Variants in PTPN2 observed in about 807,000 individuals in gnomAD.
PTPN2 encodes the protein tyrosine-protein phosphatase non-receptor type 2.
A neutral mutation model predicts 57.3 loss-of-function variants in PTPN2; 19 were observed. That is an observed-to-expected ratio of 0.33 (90% CI 0.23 to 0.49). The LOEUF (loss-of-function observed/expected upper bound fraction) is 0.49. Among genes scored for constraint, PTPN2 ranks in the 20% least tolerant of loss-of-function variants. PTPN2 has a pLI of 0.99. For missense variants in PTPN2, 358 were observed against 501.1 expected, an observed-to-expected ratio of 0.71 and a Z score of 2.73; for synonymous variants, 153 against 164.9, an observed-to-expected ratio of 0.93 and a Z score of 0.55.
chr18:12,822,340 G>A (rs536495078), intron 5 of PTPN2, among the ~76,000 whole-genome samples: 32 of 152,138 alleles, frequency 2.1e-4, no homozygotes, highest in Non-Finnish European at 3.5e-4. Context: ...AACGTAAAGC[G>A]GGCCAACATT....
At chr18:12,873,478 C>G (rs1233908389) in intron 1 of PTPN2, among the ~76,000 whole-genome samples, 1 of 152,144 alleles carries the variant, frequency 6.6e-6, no homozygotes, top group Non-Finnish European at 1.5e-5. Flanking sequence ...TTGGGGGAGA[C>G]GGGGTTTCGC....
intron 1 of PTPN2, among the ~76,000 whole-genome samples, chr18:12,876,331 G>A (rs2044491900): frequency 1.5e-5 from 1 of 67,624 alleles, no homozygotes; most frequent in African/African-American, 6.4e-5. Flanking sequence ...GTCAGGCGTG[G>A]TGGTGTGTGC....
rs566928780 is a variant in PTPN2 at position 12,819,303 on chromosome 18, C to A, written c.496-1938G>T. On this transcript the variant is annotated intron_variant, in intron 5 of 8. Coordinates refer to ENST00000309660, the MANE Select transcript of PTPN2 (RefSeq NM_002828.4). Reference sequence around the variant, plus strand: ...ATATACTAAAAGCAATAAAAAATTTCTCCATTACAAATTAAAATGATCATG... The same window carrying A: ...ATATACTAAAAGCAATAAAAAATTTATCCATTACAAATTAAAATGATCATG... 5.2e-4 allele frequency: 619 copies of A among 1,184,906 alleles called. 11 individuals carry two copies. The South Asian group carries it at 8.7e-3, about 17-fold the overall frequency. The allele number at this position is 1,184,906 out of a possible 1,614,324, so 73.4% of individuals were successfully genotyped here.
At chr18:12,795,340 C>T (rs948119764) in intron 8 of PTPN2, among the ~76,000 whole-genome samples, 7 of 152,168 alleles carry the variant, frequency 4.6e-5, no homozygotes, top group African/African-American at 9.7e-5. Flanking sequence ...GTTGCCCAGG[C>T]GGGAGTGCAG....
At chr18:12,862,873 G>C (rs1398904437) in intron 1 of PTPN2, 1 of 149,550 alleles carries the variant, frequency 6.7e-6, no homozygotes, top group African/African-American at 2.5e-5. Flanking sequence ...TGTTAAATCA[G>C]CTATTGATTA....
At chr18:12,867,546 A>G (rs1424122134) in intron 1 of PTPN2, among the ~76,000 whole-genome samples, 1 of 152,172 alleles carries the variant, frequency 6.6e-6, no homozygotes, top group Non-Finnish European at 1.5e-5. Context: ...TTCAAAAAAA[A>G]TACATTATAG....
At chr18:12,807,115 A>C (rs1388980013) in intron 7 of PTPN2, among the ~76,000 whole-genome samples, 3 of 152,186 alleles carry the variant, frequency 2.0e-5, no homozygotes, top group African/African-American at 7.2e-5. Flanking sequence ...TCCAATTAAA[A>C]ATAGGTAAAA....
chr18:12,797,358 T>C (rs2041231664), intron 8 of PTPN2, among the ~76,000 whole-genome samples: 1 of 152,142 alleles, frequency 6.6e-6, no homozygotes. Context: ...AGCCCAATAA[T>C]GAGTCCCTTA....
chr18:12,812,248 T>C (rs2041916970), intron 7 of PTPN2, among the ~76,000 whole-genome samples: 1 of 152,210 alleles, frequency 6.6e-6, no homozygotes, highest in Non-Finnish European at 1.5e-5. Flanking sequence ...CATTGGAAGT[T>C]TTCTGTAAAT....
chr18:12,834,289 T>C (rs1305481379), intron 3 of PTPN2, among the ~76,000 whole-genome samples: 1 of 146,358 alleles, frequency 6.8e-6, no homozygotes, highest in Non-Finnish European at 1.5e-5. Context: ...ATTGCATCAC[T>C]GCACTCCAGG....
At chr18:12,809,476 T>C (rs1175496409) in intron 7 of PTPN2, among the ~76,000 whole-genome samples, 1 of 152,202 alleles carries the variant, frequency 6.6e-6, no homozygotes, top group Non-Finnish European at 1.5e-5. Flanking sequence ...GGATGAAACA[T>C]GATCCCCATC....
At chr18:12,874,444 C>T (rs1457547663) in intron 1 of PTPN2, among the ~76,000 whole-genome samples, 12 of 143,952 alleles carry the variant, frequency 8.3e-5, no homozygotes, top group Non-Finnish European at 1.8e-4. Flanking sequence ...CCGCCTCGTC[C>T]GGGAGGTGAG....
intron 2 of PTPN2, among the ~76,000 whole-genome samples, chr18:12,850,028 G>GTTGATCAGTC (rs1452770480): frequency 1.2e-4 from 18 of 152,108 alleles, no homozygotes; most frequent in African/African-American, 4.3e-4. Context: ...TCTTGACAGA[G>GTTGATCAGTC]TTGATCAGTC....
At chr18:12,800,836 T>G (rs1748292953) in intron 8 of PTPN2, among the ~76,000 whole-genome samples, 1 of 152,226 alleles carries the variant, frequency 6.6e-6, no homozygotes, top group Non-Finnish European at 1.5e-5. Context: ...ATGTGACTTA[T>G]ACCAGGTTAT....
intron 7 of PTPN2, among the ~76,000 whole-genome samples, chr18:12,805,405 C>T (rs1284928747): frequency 8.6e-5 from 13 of 150,504 alleles, no homozygotes; most frequent in African/African-American, 2.2e-4. Flanking sequence ...AGCAGTGAGC[C>T]GAGATTGCAC....
intron 1 of PTPN2, among the ~76,000 whole-genome samples, chr18:12,869,785 C>A (rs1289342655): frequency 6.6e-6 from 1 of 152,096 alleles, no homozygotes; most frequent in Non-Finnish European, 1.5e-5. Context: ...ACCTAAGTTT[C>A]TTTCTTTATA....
chr18:12,794,065 T>C lies in PTPN2; in HGVS notation c.*213A>G, dbSNP rs2041070939. The C allele has an allele frequency of 7.1e-7, 1 of 1,414,348 alleles. No individual in the cohort carries two copies. The highest frequency in any genetic ancestry group is 1.6e-5 in the South Asian group (1 of 62,186). The allele number at this position is 1,414,348 out of a possible 1,614,324, so 87.6% of individuals were successfully genotyped here. A position where few individuals can be genotyped will look rare whatever the true frequency, so the allele number is the denominator to read the frequency against. ...TTTTAACAAACATGAATGTCTTTAT[T>C]TTAGACAGCCATTTACAGTTTGGGG... On this transcript the variant is annotated 3_prime_UTR_variant, in exon 9 of 9. Coordinates refer to ENST00000309660, the MANE Select transcript of PTPN2 (RefSeq NM_002828.4).
chr18:12,836,746 C>G (rs537141726), intron 3 of PTPN2, 45 bp downstream of exon 3: 1 of 1,251,242 alleles, frequency 8.0e-7, no homozygotes, highest in Non-Finnish European at 1.2e-6. Context: ...AGAACAAGCA[C>G]AAACACATCA....
intron 7 of PTPN2, among the ~76,000 whole-genome samples, chr18:12,808,667 G>C (rs1290550380): frequency 1.3e-5 from 2 of 151,998 alleles, no homozygotes; most frequent in Non-Finnish European, 2.9e-5. Context: ...TATAGTCCCA[G>C]CTACTCGGGA....
Sources: gnomAD v4.1 joint callset for allele counts (sites outside exome capture counted in the v4.1 genomes callset) on GRCh38, gnomAD v4.1.1 for gene constraint, MANE v1.5 for transcripts, NCBI Gene and HGNC (gene_info 2026-07-23, HGNC 2026-07-21) for gene names.